The following TMEM259 variants were observed in gnomAD, a reference collection of about 807,000 sequenced individuals.
The protein encoded by TMEM259 is transmembrane protein 259.
In TMEM259, 26 loss-of-function variants were observed where a neutral mutation model predicts 46.7. The observed-to-expected ratio is 0.56, with a 90% CI of 0.41 to 0.77. The LOEUF (loss-of-function observed/expected upper bound fraction) is 0.77. Ranked by LOEUF, TMEM259 falls within the 30% of genes least tolerant of loss-of-function variation. TMEM259 has a pLI of 0.00. For synonymous variants in TMEM259, 494 were observed against 395.1 expected, an observed-to-expected ratio of 1.25 and a Z score of -2.97; for missense variants, 930 against 900.5, an observed-to-expected ratio of 1.03 and a Z score of -0.42.
intron 1 of TMEM259, chr19:1,017,569 G>A (rs923285373): frequency 1.5e-5 from 6 of 397,026 alleles, no homozygotes; most frequent in Non-Finnish European, 2.2e-5. Context: ...GCCCACACAC[G>A]GCTGCACCCA....
chr19:1,011,868 C>A, intron 6 of TMEM259, 24 bp downstream of exon 6: 1 of 1,600,380 alleles, frequency 6.2e-7, no homozygotes, highest in Non-Finnish European at 8.5e-7. Flanking sequence ...CGGCCAGCCC[C>A]CGCACCCGCC....
rs1373096742 is a variant in TMEM259 at position 1,010,631 on chromosome 19, C to A, written c.1582G>T (p.Ala528Ser). 1 of 1,545,110 alleles carries A rather than the reference C, an allele frequency of 6.5e-7. No individual in the cohort carries two copies. Among genetic ancestry groups the A allele is most frequent in the Admixed American group, 1.9e-5 (1 of 51,746 alleles). Reference protein sequence around the residue: ...AAPSSLVAAAASVAAAAGGDL... With the variant: ...AAPSSLVAAASSVAAAAGGDL... ...CCACCGGCAGCTGCTGCCACTGAGGCTGCCGCGGCCACCAGGGAGCTGGGC... is the reference window on the plus strand; with the variant it reads ...CCACCGGCAGCTGCTGCCACTGAGGATGCCGCGGCCACCAGGGAGCTGGGC... Residue 528 changes from alanine to serine, a missense_variant, in exon 11 of 11, where the codon GCC becomes TCC. Physicochemically the swap from Ala to Ser is moderately conservative, Grantham distance 99. Transcript: ENST00000356663.
At chr19:1,015,836 G>A (rs1441618597) in intron 1 of TMEM259, among the ~76,000 whole-genome samples, 4 of 152,204 alleles carry the variant, frequency 2.6e-5, no homozygotes, top group Admixed American at 2.0e-4. Context: ...CACGCCCACA[G>A]TGAGCTGGGG....
chr19:1,012,686 C>A lies in TMEM259; in HGVS notation c.608-113G>T, dbSNP rs1042312675. On this transcript the variant is annotated intron_variant, in intron 3 of 10. Transcript: ENST00000356663. ...AGGGTGAGACCTGCTGAGCCCTGGG[C>A]CCCAGGTGGGTGCTGGGAGGACCCC... 10 of 1,422,286 alleles carry A rather than the reference C, an allele frequency of 7.0e-6. No individual in the cohort carries two copies. The African/African-American group carries it at 1.4e-4, about 20-fold the overall frequency. The allele number at this position is 1,422,286 out of a possible 1,614,324, so 88.1% of individuals were successfully genotyped here.
Position 1,020,080 on chromosome 19 carries a change from G to A in TMEM259, c.225+692C>T, listed in dbSNP as rs560528842. On this transcript the variant is annotated intron_variant, in intron 1 of 10. Transcript: ENST00000356663. This position sits in a 1 kb window ranked among gnomAD's most constrained non-coding sequence, Gnocchi z 4.0. ...ACCCACAACCTGAGCTCCTGAAGCA[G>A]GAAGGGAGTGGGGACCCAGCGGAGG... is the stretch of plus-strand genomic sequence containing the variant. Among the ~76,000 whole-genome samples the A allele has an allele frequency of 6.6e-5, 10 of 152,274 alleles. No individual in the cohort carries two copies. Among genetic ancestry groups the A allele is most frequent in the African/African-American group, 2.4e-4 (10 of 41,544 alleles).
chr19:1,016,333 T>C (rs1420707782), intron 1 of TMEM259, among the ~76,000 whole-genome samples: 2 of 152,146 alleles, frequency 1.3e-5, no homozygotes, highest in Non-Finnish European at 2.9e-5. Context: ...TTTCCCCATA[T>C]GGCATCTGGG....
In TMEM259 at chr19:1,020,826, C is replaced by G. The variant is rs2039269586; in HGVS notation, c.171G>C (p.Ser57=). ...ALFFKMAVTY[S]RLFPPAFRRL... ...GGCGGAAGGCGGGCGGGAAGAGCCG[C>G]GAATAGGTGACAGCCATCTTGAAGA... Residue 57 remains serine (S), a synonymous_variant, in exon 1 of 11, where the codon TCG becomes TCC. Transcript: ENST00000356663. The surrounding 1 kb of genome is among the most constrained non-coding windows in gnomAD (Gnocchi z 4.0). 6.6e-6 allele frequency: 9 copies of G among 1,365,554 alleles called. No individual in the cohort carries two copies. The East Asian group carries it at 2.6e-4, about 39-fold the overall frequency. 84.6% of individuals were successfully genotyped at this position (1,365,554 alleles called of 1,614,324 possible).
In TMEM259 at chr19:1,020,034, T is replaced by C. The variant is rs1308496026; in HGVS notation, c.225+738A>G. Among the ~76,000 whole-genome samples, 1 of 150,924 alleles carries C rather than the reference T, an allele frequency of 6.6e-6. No homozygotes were observed. The highest frequency in any genetic ancestry group is 1.5e-5 in the Non-Finnish European group (1 of 67,686). On this transcript the variant is annotated intron_variant, in intron 1 of 10. Coordinates refer to ENST00000356663, the MANE Select transcript of TMEM259 (RefSeq NM_001033026.2). The surrounding 1 kb of genome is among the most constrained non-coding windows in gnomAD (Gnocchi z 4.0). ...CCAAGACGCGGAGGCCGGTGCCTCA[T>C]AGGGGAGGCACGGGCGACAGACCCA... is the stretch of plus-strand genomic sequence containing the variant.
At position 1,010,923 on chromosome 19, in the gene TMEM259, CG is replaced by C. The variant is rs1210610638; in HGVS notation, c.1318-29del. On this transcript the variant is annotated intron_variant, in intron 10 of 10. Transcript: ENST00000356663. ...GCGGGAGGGAGAGTGGGAGTCAGGA[CG>C]GGCCCGCCCCTGCCCCACCCAGCCG... 7.6e-6 allele frequency: 12 copies of C among 1,571,536 alleles called. No individual in the cohort carries two copies. The African/African-American group carries it at 1.6e-4, about 21-fold the overall frequency.
intron 1 of TMEM259, among the ~76,000 whole-genome samples, chr19:1,016,072 C>T (rs2039099449): frequency 1.4e-5 from 2 of 146,076 alleles, no homozygotes; most frequent in African/African-American, 2.5e-5. Context: ...CTAGTCCTTA[C>T]AGCCAAAAGA....
chr19:1,012,640 A>G (rs62131163), intron 3 of TMEM259, 67 bp from the exon 4 acceptor site: 193,227 of 1,524,254 alleles, frequency 0.13, 13,030 homozygotes, highest in South Asian at 0.15. Context: ...GCCAGCAGGC[A>G]AGGCAGGCGT....
In TMEM259 at chr19:1,020,910, G is replaced by T; in HGVS notation, c.87C>A (p.Thr29=). 7.8e-7 allele frequency: 1 copy of T among 1,281,204 alleles called. No homozygotes were observed. Among genetic ancestry groups the T allele is most frequent in the Non-Finnish European group, 9.9e-7 (1 of 1,012,708 alleles). 79.4% of individuals were successfully genotyped at this position (1,281,204 alleles called of 1,614,324 possible). The change falls in exon 1 of 11, where the codon ACC becomes ACA. Residue 29 remains threonine (T), a synonymous_variant. Coordinates refer to ENST00000356663, the MANE Select transcript of TMEM259 (RefSeq NM_001033026.2). This position sits in a 1 kb window ranked among gnomAD's most constrained non-coding sequence, Gnocchi z 4.0. ...GGPAPARGPR[T]PNLNPNPLIN... ...TGAGGGGGTTGGGGTTGAGATTGGG[G>T]GTGCGAGGCCCGCGCGCGGGGGCCG... is the stretch of plus-strand genomic sequence containing the variant.
At position 1,011,045 on chromosome 19, in the gene TMEM259, T is replaced by C. The variant is rs2038896003; in HGVS notation, c.1317+51A>G. On this transcript the variant is annotated intron_variant, in intron 10 of 10. Transcript: ENST00000356663. ...CATCCTCCCCGGCTGCAGCCTCTCCTGCCTGGAAAGGCACGGCTGGCCTGC... is the reference window on the plus strand; with the variant it reads ...CATCCTCCCCGGCTGCAGCCTCTCCCGCCTGGAAAGGCACGGCTGGCCTGC... 3 of 1,556,738 alleles carry C rather than the reference T, an allele frequency of 1.9e-6. No homozygotes were observed. In the African/African-American group the frequency reaches 4.1e-5, roughly 21 times the overall value.
intron 4 of TMEM259, 106 bp from the exon 5 acceptor site, chr19:1,012,294 C>A: frequency 2.0e-6 from 3 of 1,509,230 alleles, no homozygotes; most frequent in Non-Finnish European, 2.7e-6. Context: ...CTGGCCCTGC[C>A]CATTCTTAGG....
In TMEM259 at chr19:1,013,733, G is replaced by A. The variant is rs2039014119; in HGVS notation, c.508-393C>T. 2.2e-5 allele frequency: 6 copies of A among 278,950 alleles called. No homozygotes were observed. In the South Asian group the frequency reaches 2.9e-4, roughly 13 times the overall value. 17.3% of individuals were successfully genotyped at this position (278,950 alleles called of 1,614,324 possible). A position where few individuals can be genotyped will look rare whatever the true frequency, so the allele number is the denominator to read the frequency against. On this transcript the variant is annotated intron_variant, in intron 2 of 10. Coordinates refer to ENST00000356663, the MANE Select transcript of TMEM259 (RefSeq NM_001033026.2). The stretch of plus-strand genomic sequence containing the variant: ...CCACCAGGCTGTGGGGCCCAACACA[G>A]CCACCTGGTCCCACCAGTGCCCAAG...
In TMEM259 at chr19:1,014,178, C is replaced by T; in HGVS notation, c.507+14G>A. 6.3e-7 allele frequency: 1 copy of T among 1,598,350 alleles called. No homozygotes were observed. Among genetic ancestry groups the T allele is most frequent in the Non-Finnish European group, 8.6e-7 (1 of 1,167,756 alleles). On this transcript the variant is annotated intron_variant, in intron 2 of 10. Transcript: ENST00000356663. ...CGCTGGCCTCTGCTGCAGCTGAGCC[C>T]AGGCCTGGCTCACCTTGATGGAGCT... is the stretch of plus-strand genomic sequence containing the variant.
chr19:1,010,740 T>C lies in TMEM259; in HGVS notation c.1473A>G (p.Thr491=), dbSNP rs755550740. Residue 491 remains threonine (T), a synonymous_variant, in exon 11 of 11, where the codon ACA becomes ACG. Coordinates refer to ENST00000356663, the MANE Select transcript of TMEM259 (RefSeq NM_001033026.2). ...GGGGCTGGCCGGCAGAGTCAGGGGC[T>C]GTAGCCGGGGCGCCCGAGTTGTTGT... ...DMNNNSGAPA[T]APDSAGQPPA... 2 of 1,532,722 alleles carry C rather than the reference T, an allele frequency of 1.3e-6. No individual in the cohort carries two copies. The highest frequency in any genetic ancestry group is 1.2e-5 in the South Asian group (1 of 83,986). The allele number at this position is 1,532,722 out of a possible 1,614,324, so 94.9% of individuals were successfully genotyped here.
intron 2 of TMEM259, 97 bp from the exon 3 acceptor site, chr19:1,013,437 G>T: frequency 7.9e-7 from 1 of 1,258,404 alleles, no homozygotes; most frequent in South Asian, 1.3e-5. Flanking sequence ...GGGACTGGAA[G>T]CCTCAGCCTC....
In TMEM259 at chr19:1,012,003, A is replaced by G. The variant is rs117246624; in HGVS notation, c.842-11T>C. The G allele has an allele frequency of 0.15, 243,830 of 1,611,284 alleles. 19,330 individuals are homozygous for G. The highest frequency in any genetic ancestry group is 0.22 in the Middle Eastern group (1,322 of 6,058). The stretch of plus-strand genomic sequence containing the variant: ...CATTCCGCAGGAAGCCTGCAGCAGA[A>G]GGAGCCGTGAGCGCCCGCCCCCACC... On this transcript the variant is annotated splice_polypyrimidine_tract_variant and intron_variant, in intron 5 of 10. Transcript: ENST00000356663.
Sources: gnomAD v4.1 joint callset for allele counts (sites outside exome capture counted in the v4.1 genomes callset) on GRCh38, gnomAD v4.1.1 for gene constraint, Gnocchi (gnomAD v3.1) non-coding constraint, MANE v1.5 for transcripts, NCBI Gene and HGNC (gene_info 2026-07-23, HGNC 2026-07-21) for gene names.